The following SPSB1 variants were observed in gnomAD, a reference collection of about 807,000 sequenced individuals.
SPSB1 encodes splA/ryanodine receptor domain and SOCS box containing 1.
Under a neutral mutation model 21.2 loss-of-function variants are expected in SPSB1, and 8 were observed. That is an observed-to-expected ratio of 0.38 (90% CI 0.22 to 0.68). SPSB1 has a LOEUF of 0.68. SPSB1 is among the 30% of genes least tolerant of loss of function. The pLI is 0.53. For synonymous variants in SPSB1, 169 were observed against 161.7 expected (o/e 1.05, Z -0.34); for missense variants, 242 against 377.8 (o/e 0.64, Z 2.98).
At chr1:9,339,436 G>A (rs1319810257) in intron 1 of SPSB1, among the ~76,000 whole-genome samples, 1 of 152,218 alleles carries the variant, frequency 6.6e-6, no homozygotes, top group African/African-American at 2.4e-5. Context: ...AGGCGACGGA[G>A]AGGTGCTCTG....
At chr1:9,340,127 G>T (rs1224899102) in intron 1 of SPSB1, among the ~76,000 whole-genome samples, 1 of 152,198 alleles carries the variant, frequency 6.6e-6, no homozygotes, top group African/African-American at 2.4e-5. Context: ...TAGGGTCACC[G>T]GGTGCAGGGC....
Position 9,340,283 on chromosome 1 carries a change from G to A in SPSB1, c.-149-15460G>A, listed in dbSNP as rs529269343. ...CTGTCAATCAGCAGAGGAGGGGCCT[G>A]GGGGGGAAGGCAGGGACACTGGTGT... On this transcript the variant is annotated intron_variant, in intron 1 of 2. Coordinates refer to ENST00000328089, the MANE Select transcript of SPSB1 (RefSeq NM_025106.4). Among the ~76,000 whole-genome samples, 333 of 152,280 alleles carry A rather than the reference G, an allele frequency of 2.2e-3. 1 individual carries two copies. The highest frequency in any genetic ancestry group is 3.7e-3 in the Non-Finnish European group (255 of 68,006).
chr1:9,321,670 T>A lies in SPSB1; in HGVS notation c.-150+28599T>A, dbSNP rs11584306. 0.18 allele frequency among the ~76,000 whole-genome samples: 27,869 copies of A among 150,762 alleles called. 2,612 individuals are homozygous for A. The highest frequency in any genetic ancestry group is 0.23 in the Middle Eastern group (68 of 294). ...CTTCACCTTTAAATAAAAAAAAAAA[T>A]GCTGCTGATTGTCACTGTAATGTGC... On this transcript the variant is annotated intron_variant, in intron 1 of 2. Transcript: ENST00000328089. This position sits in a 1 kb window ranked among gnomAD's most constrained non-coding sequence, Gnocchi z 4.8.
At chr1:9,330,286 G>A (rs903786393) in intron 1 of SPSB1, among the ~76,000 whole-genome samples, 8 of 152,086 alleles carry the variant, frequency 5.3e-5, no homozygotes, top group Non-Finnish European at 8.8e-5. Context: ...TGGGCAACAC[G>A]GTGAAACCCC....
chr1:9,293,818 G>T lies in SPSB1; in HGVS notation c.-150+747G>T, dbSNP rs1264928724. Among the ~76,000 whole-genome samples, 1 of 152,242 alleles carries T rather than the reference G, an allele frequency of 6.6e-6. No individual in the cohort carries two copies. Among genetic ancestry groups the T allele is most frequent in the African/African-American group, 2.4e-5 (1 of 41,474 alleles). On this transcript the variant is annotated intron_variant, in intron 1 of 2. Transcript: ENST00000328089. The surrounding 1 kb of genome is among the most constrained non-coding windows in gnomAD (Gnocchi z 5.1). ...GGGACGGCCCCGAGAGGAGGGTGCG[G>T]GTCTGCAGGAAGAGCGGGTGTCTCT...
Position 9,324,743 on chromosome 1 carries a change from CAGCCACCTCCG to C in SPSB1, c.-149-30993_-149-30983del, listed in dbSNP as rs1639784517. Reference sequence around the variant, plus strand: ...CCCAGAATCTCTCTGGGAATGAGCACAGCCACCTCCGAGCCACAGCTCACTCTGACAAAAAC... The same window carrying C: ...CCCAGAATCTCTCTGGGAATGAGCACAGCCACAGCTCACTCTGACAAAAAC... On this transcript the variant is annotated intron_variant, in intron 1 of 2. Transcript: ENST00000328089. The surrounding 1 kb of genome is among the most constrained non-coding windows in gnomAD (Gnocchi z 4.3). Among the ~76,000 whole-genome samples the C allele has an allele frequency of 6.6e-6, 1 of 152,222 alleles. No homozygotes were observed. Among genetic ancestry groups the C allele is most frequent in the Admixed American group, 6.5e-5 (1 of 15,284 alleles).
chr1:9,333,797 A>T (rs1398968662), intron 1 of SPSB1, among the ~76,000 whole-genome samples: 2 of 152,182 alleles, frequency 1.3e-5, no homozygotes, highest in African/African-American at 4.8e-5. Context: ...GGGCCAAATC[A>T]ATAGCAACAT....
At chr1:9,295,697 C>T (rs115843159) in intron 1 of SPSB1, among the ~76,000 whole-genome samples, 1,820 of 152,290 alleles carry the variant, frequency 0.012, 17 homozygotes, top group South Asian at 0.036. Flanking sequence ...TGGTGTGTGC[C>T]GTGCTCCCTT....
intron 1 of SPSB1, among the ~76,000 whole-genome samples, chr1:9,312,391 C>T (rs1355887241): frequency 6.6e-6 from 1 of 152,022 alleles, no homozygotes; most frequent in Non-Finnish European, 1.5e-5. Context: ...AGGCAGTGAG[C>T]GCTAACACAG....
intron 1 of SPSB1, among the ~76,000 whole-genome samples, chr1:9,354,914 G>T (rs559371579): frequency 6.6e-6 from 1 of 152,188 alleles, no homozygotes; most frequent in Admixed American, 6.5e-5. Context: ...GGACCCAGGG[G>T]ATGGTGAGGC....
rs17377604 is a variant in SPSB1, at chr1:9,321,445, C to T, written c.-150+28374C>T. Among the ~76,000 whole-genome samples, 28,059 of 152,098 alleles carry T rather than the reference C, an allele frequency of 0.18. 2,895 individuals carry two copies. Among genetic ancestry groups the T allele is most frequent in the Middle Eastern group, 0.24 (72 of 294 alleles). On this transcript the variant is annotated intron_variant, in intron 1 of 2. Coordinates refer to ENST00000328089, the MANE Select transcript of SPSB1 (RefSeq NM_025106.4). The surrounding 1 kb of genome is among the most constrained non-coding windows in gnomAD (Gnocchi z 4.8). ...ACGGAACTTGTCCTGACCCGTTATT[C>T]GTCACCTTGGTGCCCGATAGAGAAG...
At chr1:9,337,097 C>T (rs1640016243) in intron 1 of SPSB1, among the ~76,000 whole-genome samples, 1 of 152,124 alleles carries the variant, frequency 6.6e-6, no homozygotes, top group African/African-American at 2.4e-5. Context: ...ATCAGTTCTG[C>T]TTGTCCCAAT....
intron 1 of SPSB1, among the ~76,000 whole-genome samples, chr1:9,336,486 A>G (rs1640005460): frequency 6.6e-6 from 1 of 152,132 alleles, no homozygotes; most frequent in African/African-American, 2.4e-5. Context: ...TCGGCCTCCC[A>G]AAGTGCTGGG....
At chr1:9,331,850 T>G (rs900544573) in intron 1 of SPSB1, among the ~76,000 whole-genome samples, 1 of 152,216 alleles carries the variant, frequency 6.6e-6, no homozygotes, top group African/African-American at 2.4e-5. Context: ...TGTCCTTTTG[T>G]CTCCATGGGA....
rs1347713470 is a variant in SPSB1 at position 9,345,276 on chromosome 1, C to T, written c.-149-10467C>T. On this transcript the variant is annotated intron_variant, in intron 1 of 2. Coordinates refer to ENST00000328089, the MANE Select transcript of SPSB1 (RefSeq NM_025106.4). This position sits in a 1 kb window ranked among gnomAD's most constrained non-coding sequence, Gnocchi z 4.8. ...GCACCAGCGTCTCTGAGCCTGTCCC[C>T]GTGGGTACCCTGTTGGTGGCTCTTT... is the stretch of plus-strand genomic sequence containing the variant. 6.6e-6 allele frequency among the ~76,000 whole-genome samples: 1 copy of T among 152,160 alleles called. No individual in the cohort carries two copies. Among genetic ancestry groups the T allele is most frequent in the East Asian group, 1.9e-4 (1 of 5,196 alleles).
intron 1 of SPSB1, among the ~76,000 whole-genome samples, chr1:9,309,421 G>A (rs375360285): frequency 4.0e-5 from 6 of 151,782 alleles, no homozygotes; most frequent in Non-Finnish European, 8.8e-5. Context: ...GGGCTCAAGC[G>A]ATCTTCCCAC....
At chr1:9,311,049 C>T (rs1639511726) in intron 1 of SPSB1, among the ~76,000 whole-genome samples, 1 of 152,004 alleles carries the variant, frequency 6.6e-6, no homozygotes, top group Non-Finnish European at 1.5e-5. Flanking sequence ...TGGAGCTGGT[C>T]AGTGTGAACA....
rs1271072488 is a variant in SPSB1, at chr1:9,363,451, C to T, written c.695-3997C>T. ...GCAAGTCCTCTACCCCACACAGCTG[C>T]GTTCACAGGGGATGGATTGTGGCAG... On this transcript the variant is annotated intron_variant, in intron 2 of 2. Transcript: ENST00000328089. The surrounding 1 kb of genome is among the most constrained non-coding windows in gnomAD (Gnocchi z 4.5). Among the ~76,000 whole-genome samples, 6 of 152,140 alleles carry T rather than the reference C, an allele frequency of 3.9e-5. No individual in the cohort carries two copies. Among genetic ancestry groups the T allele is most frequent in the Non-Finnish European group, 7.3e-5 (5 of 68,034 alleles).
intron 1 of SPSB1, among the ~76,000 whole-genome samples, chr1:9,353,592 C>T (rs1312363868): frequency 6.6e-6 from 1 of 152,180 alleles, no homozygotes; most frequent in South Asian, 2.1e-4. Context: ...TCCTGCCCTG[C>T]TCTGAAGAGA....
Sources: allele counts gnomAD v4.1 joint callset (sites outside exome capture counted in the v4.1 genomes callset), GRCh38; gene constraint gnomAD v4.1.1; non-coding constraint Gnocchi (gnomAD v3.1); transcripts MANE v1.5; gene names NCBI Gene and HGNC (gene_info 2026-07-23, HGNC 2026-07-21).